The following SPPL2A variants were observed in gnomAD, a reference collection of about 807,000 sequenced individuals.
SPPL2A encodes the protein signal peptide peptidase like 2A.
SPPL2A carries 51 observed loss-of-function variants against 63.8 expected under a neutral mutation model. That is an observed-to-expected ratio of 0.80 (90% confidence interval 0.64 to 1.01). The LOEUF (loss-of-function observed/expected upper bound fraction) is 1.01, where lower values mean the gene tolerates loss of function less well. SPPL2A is among the 50% of genes least tolerant of loss of function. The probability of loss-of-function intolerance (pLI) is 0.00; values close to 1 mark genes in which losing one functional copy is unlikely to be tolerated. For synonymous variants in SPPL2A, 188 were observed against 205.8 expected, an observed-to-expected ratio of 0.91 and a Z score of 0.74; for missense variants, 553 against 622.7, an observed-to-expected ratio of 0.89 and a Z score of 1.19.
chr15:50,746,240 CCATCCTGAT>C (rs1278248042), intron 5 of SPPL2A, among the ~76,000 whole-genome samples: 2 of 151,652 alleles, frequency 1.3e-5, no homozygotes, highest in African/African-American at 2.4e-5. Context: ...GAGATCAAGA[CCATCCTGAT>C]CAACATGGTG....
Position 50,704,627 on chromosome 15 carries a change from T to C in SPPL2A, c.*3173A>G, listed in dbSNP as rs916784897. On this transcript the variant is annotated 3_prime_UTR_variant, in exon 15 of 15. Coordinates refer to ENST00000261854, the MANE Select transcript of SPPL2A (RefSeq NM_032802.4). ...CCAGCTTCTCTTCCCCTTAAAGTTA[T>C]TGGTGGTGGGAGGGCAAGAGAGGAA... 5.3e-5 allele frequency: 8 copies of C among 152,106 alleles called. No individual in the cohort carries two copies. Among genetic ancestry groups the C allele is most frequent in the Admixed American group, 6.6e-5 (1 of 15,254 alleles). The allele number at this position is 152,106 out of a possible 1,614,324, so 9.4% of individuals were successfully genotyped here. A position where few individuals can be genotyped will look rare whatever the true frequency, so the allele number is the denominator to read the frequency against.
At chr15:50,758,597 C>T (rs951408080) in intron 1 of SPPL2A, among the ~76,000 whole-genome samples, 10 of 151,930 alleles carry the variant, frequency 6.6e-5, no homozygotes, top group Admixed American at 2.0e-4. Context: ...CAAAGGGCTG[C>T]AATTATAGGC....
chr15:50,703,266 T>A lies in SPPL2A; in HGVS notation c.*4534A>T, dbSNP rs1047970795. The A allele has an allele frequency of 6.8e-6, 1 of 147,348 alleles. No homozygotes were observed. Among genetic ancestry groups the A allele is most frequent in the East Asian group, 2.0e-4 (1 of 5,074 alleles). 9.1% of individuals were successfully genotyped at this position (147,348 alleles called of 1,614,324 possible). On this transcript the variant is annotated 3_prime_UTR_variant, in exon 15 of 15. Coordinates refer to ENST00000261854, the MANE Select transcript of SPPL2A (RefSeq NM_032802.4). ...TACAGTTTTTGTTTTTGAAATTTCATTGGTTAAGATCAGGCTGAAATTTTA... is the reference window on the plus strand; with the variant it reads ...TACAGTTTTTGTTTTTGAAATTTCAATGGTTAAGATCAGGCTGAAATTTTA...
Position 50,748,098 on chromosome 15 carries a change from TA to T in SPPL2A, c.450+14del. 9.4e-7 allele frequency: 1 copy of T among 1,061,226 alleles called. No homozygotes were observed. The highest frequency in any genetic ancestry group is 1.3e-6 in the Non-Finnish European group (1 of 749,010). 65.7% of individuals were successfully genotyped at this position (1,061,226 alleles called of 1,614,324 possible). On this transcript the variant is annotated intron_variant, in intron 4 of 14. Coordinates refer to ENST00000261854, the MANE Select transcript of SPPL2A (RefSeq NM_032802.4). ...GTATTTATAAACTTTATCTAATATG[TA>T]ATTGCTAATTTACCTGGTTCATATC...
chr15:50,761,098 C>T (rs2063007168), intron 1 of SPPL2A, among the ~76,000 whole-genome samples: 1 of 152,102 alleles, frequency 6.6e-6, no homozygotes, highest in Non-Finnish European at 1.5e-5. Context: ...CAACCTCAAA[C>T]TCTTGAGCTT....
rs376768339 is a variant in SPPL2A, at chr15:50,739,868, G to A, written c.585-40C>T. 1.5e-4 allele frequency: 221 copies of A among 1,471,248 alleles called. 1 individual carries two copies. Among genetic ancestry groups the A allele is most frequent in the Admixed American group, 3.4e-4 (13 of 38,014 alleles). 91.1% of individuals were successfully genotyped at this position (1,471,248 alleles called of 1,614,324 possible). On this transcript the variant is annotated intron_variant, in intron 5 of 14. Transcript: ENST00000261854. ...AGGAACTTTAGCAAATCTTAGCCAA[G>A]TACAGTTATTTAAAAAATTTATCTC...
In SPPL2A at chr15:50,707,752, G is replaced by T; in HGVS notation, c.*48C>A. 3 of 963,732 alleles carry T rather than the reference G, an allele frequency of 3.1e-6. No homozygotes were observed. The highest frequency in any genetic ancestry group is 3.3e-6 in the Non-Finnish European group (2 of 602,874). 59.7% of individuals were successfully genotyped at this position (963,732 alleles called of 1,614,324 possible). A position where few individuals can be genotyped will look rare whatever the true frequency, so the allele number is the denominator to read the frequency against. The stretch of plus-strand genomic sequence containing the variant: ...TCAAAAGTCAATTTAAAAAGTCGAA[G>T]TCTATTTGTAGAAAATCAATGACAC... On this transcript the variant is annotated 3_prime_UTR_variant, in exon 15 of 15. Coordinates refer to ENST00000261854, the MANE Select transcript of SPPL2A (RefSeq NM_032802.4).
chr15:50,759,557 C>G (rs1292698413), intron 1 of SPPL2A, among the ~76,000 whole-genome samples: 2 of 152,092 alleles, frequency 1.3e-5, no homozygotes, highest in Non-Finnish European at 2.9e-5. Flanking sequence ...TCCTGGCTAA[C>G]ACGGTGAAAC....
At chr15:50,743,953 T>A (rs1339772281) in intron 5 of SPPL2A, among the ~76,000 whole-genome samples, 2 of 151,988 alleles carry the variant, frequency 1.3e-5, no homozygotes, top group African/African-American at 2.4e-5. Context: ...GGCAGGCAGA[T>A]CACCTGAGGT....
At chr15:50,711,500 C>T (rs1216363444) in intron 14 of SPPL2A, among the ~76,000 whole-genome samples, 5 of 152,146 alleles carry the variant, frequency 3.3e-5, no homozygotes, top group African/African-American at 4.8e-5. Context: ...CGTGAGCCAC[C>T]GCGCCCAGGC....
chr15:50,714,666 G>A (rs1271532362), intron 14 of SPPL2A, among the ~76,000 whole-genome samples: 2 of 151,432 alleles, frequency 1.3e-5, no homozygotes, highest in Non-Finnish European at 2.9e-5. Flanking sequence ...TCTTGGCCGG[G>A]CACGGTGGCT....
intron 5 of SPPL2A, among the ~76,000 whole-genome samples, chr15:50,742,239 A>C (rs1192696270): frequency 6.6e-6 from 1 of 152,082 alleles, no homozygotes; most frequent in African/African-American, 2.4e-5. Flanking sequence ...GTGAAACCAC[A>C]TCTCTATTAA....
At chr15:50,745,162 CTGTTT>C (rs1440656565) in intron 5 of SPPL2A, among the ~76,000 whole-genome samples, 8 of 151,808 alleles carry the variant, frequency 5.3e-5, no homozygotes, top group African/African-American at 1.9e-4. Context: ...GGGTTTTGTT[CTGTTT>C]TGAGATGGAG....
intron 14 of SPPL2A, among the ~76,000 whole-genome samples, chr15:50,711,908 A>T (rs1175941935): frequency 6.6e-6 from 1 of 152,214 alleles, no homozygotes; most frequent in Non-Finnish European, 1.5e-5. Context: ...ATTGCACATA[A>T]AGACTGTAGA....
In SPPL2A at chr15:50,748,853, C is replaced by T. The variant is rs779869965; in HGVS notation, c.195G>A (p.Met65Ile). 1.3e-6 allele frequency: 2 copies of T among 1,578,172 alleles called. No individual in the cohort carries two copies. Among genetic ancestry groups the T allele is most frequent in the Non-Finnish European group, 1.7e-6 (2 of 1,166,190 alleles). ...TGCATAGTGGTGTGGAAGTCAGATT[C>T]ATCAAACTAATGGAAGTCTGAAAAT... Reference protein sequence around the residue: ...TLENATSISLMNLTSTPLCNL... With the variant: ...TLENATSISLINLTSTPLCNL... Residue 65 changes from methionine to isoleucine, a missense_variant, in exon 3 of 15, where the codon ATG (methionine) becomes ATA (isoleucine). By Grantham distance (10) the Met-to-Ile change is conservative. Transcript: ENST00000261854.
intron 1 of SPPL2A, among the ~76,000 whole-genome samples, chr15:50,752,395 G>A (rs1338140159): frequency 2.0e-5 from 3 of 151,230 alleles, no homozygotes; most frequent in Admixed American, 6.6e-5. Context: ...CAGCATGGCC[G>A]ATATGGCAAA....
At chr15:50,749,575 C>A in intron 2 of SPPL2A, 61 bp downstream of exon 2, 1 of 1,123,456 alleles carries the variant, frequency 8.9e-7, no homozygotes. Flanking sequence ...CATGAGCCAC[C>A]GTGCCCAGCC....
At position 50,705,389 on chromosome 15, in the gene SPPL2A, A is replaced by T. The variant is rs781199578; in HGVS notation, c.*2411T>A. The T allele has an allele frequency of 6.6e-6, 1 of 152,178 alleles. No individual in the cohort carries two copies. The highest frequency in any genetic ancestry group is 2.4e-5 in the African/African-American group (1 of 41,444). 9.4% of individuals were successfully genotyped at this position (152,178 alleles called of 1,614,324 possible). ...TATCTCATTTCGATGTAGTAAAAAA[A>T]AAATTTTCTTTAACATTCTTCATAA... On this transcript the variant is annotated 3_prime_UTR_variant, in exon 15 of 15. Transcript: ENST00000261854.
chr15:50,704,628 T>C lies in SPPL2A; in HGVS notation c.*3172A>G, dbSNP rs1471404498. ...CAGCTTCTCTTCCCCTTAAAGTTAT[T>C]GGTGGTGGGAGGGCAAGAGAGGAAG... is the stretch of plus-strand genomic sequence containing the variant. On this transcript the variant is annotated 3_prime_UTR_variant, in exon 15 of 15. Coordinates refer to ENST00000261854, the MANE Select transcript of SPPL2A (RefSeq NM_032802.4). 6.6e-6 allele frequency: 1 copy of C among 152,134 alleles called. No individual in the cohort carries two copies. Among genetic ancestry groups the C allele is most frequent in the East Asian group, 1.9e-4 (1 of 5,202 alleles). 9.4% of individuals were successfully genotyped at this position (152,134 alleles called of 1,614,324 possible). A position where few individuals can be genotyped will look rare whatever the true frequency, so the allele number is the denominator to read the frequency against.
Sources: allele counts gnomAD v4.1 joint callset (sites outside exome capture counted in the v4.1 genomes callset), GRCh38; gene constraint gnomAD v4.1.1; transcripts MANE v1.5; gene names NCBI Gene and HGNC (gene_info 2026-07-23, HGNC 2026-07-21).